FGF9: variants seen among roughly 807,000 people sequenced by gnomAD.
The protein encoded by FGF9 is fibroblast growth factor 9 (glia-activating factor).
Under a neutral mutation model 19.9 loss-of-function variants are expected in FGF9, and 3 were observed. The ratio of observed to expected loss-of-function variants is 0.15; its 90% CI spans 0.07 to 0.39. FGF9 has a LOEUF of 0.39. Among genes scored for constraint, FGF9 ranks in the 10% least tolerant of loss-of-function variants. The pLI is 1.00. For synonymous variants in FGF9, 107 were observed against 106.9 expected (o/e 1.00, Z -0.01); for missense variants, 175 against 256.8 (o/e 0.68, Z 2.18).
At chr13:21,679,853 A>T (rs552246379) in intron 1 of FGF9, among the ~76,000 whole-genome samples, 1 of 149,526 alleles carries the variant, frequency 6.7e-6, no homozygotes, top group African/African-American at 2.5e-5. Context: ...GCTACTCAGG[A>T]GGCTGAGGCA....
intron 1 of FGF9, chr13:21,673,854 C>A (rs1341277148): frequency 6.6e-6 from 1 of 150,752 alleles, no homozygotes; most frequent in East Asian, 1.9e-4. Context: ...GGTGCCCGCT[C>A]GGCCGCCCGG....
intron 2 of FGF9, among the ~76,000 whole-genome samples, chr13:21,682,274 A>C (rs546448219): frequency 3.9e-5 from 6 of 152,218 alleles, no homozygotes; most frequent in Non-Finnish European, 5.9e-5. Context: ...TGGTCTCCCA[A>C]AGTAACTTAT....
At chr13:21,689,642 T>C (rs1311501872) in intron 2 of FGF9, among the ~76,000 whole-genome samples, 3 of 152,202 alleles carry the variant, frequency 2.0e-5, no homozygotes, top group African/African-American at 7.2e-5. Flanking sequence ...AAGTGTCTTA[T>C]GATTGAAAGA....
At chr13:21,697,222 A>G (rs1872429112) in intron 2 of FGF9, among the ~76,000 whole-genome samples, 1 of 152,212 alleles carries the variant, frequency 6.6e-6, no homozygotes, top group Non-Finnish European at 1.5e-5. Flanking sequence ...CAGTGTCACA[A>G]TCACGGCTCA....
At chr13:21,695,069 C>CAT (rs1872372685) in intron 2 of FGF9, among the ~76,000 whole-genome samples, 1 of 143,388 alleles carries the variant, frequency 7.0e-6, no homozygotes, top group African/African-American at 2.5e-5. Context: ...AAGATGTGTG[C>CAT]GTGTGTGTGT....
chr13:21,679,839 C>T (rs904263661), intron 1 of FGF9, among the ~76,000 whole-genome samples: 21 of 151,074 alleles, frequency 1.4e-4, no homozygotes, highest in African/African-American at 4.9e-4. Flanking sequence ...AGCCTGAAGT[C>T]CCAGCTACTC....
rs549945701 is a variant in FGF9, at chr13:21,704,417, T to C, written c.*2982T>C. ...CATTAACACTACAACCTTGTGTTAT[T>C]TACTTGATAATCTGTAATTGTATGT... On this transcript the variant is annotated 3_prime_UTR_variant, in exon 3 of 3. Transcript: ENST00000382353. 1.1e-4 allele frequency: 16 copies of C among 152,212 alleles called. No homozygotes were observed. Among genetic ancestry groups the C allele is most frequent in the Non-Finnish European group, 2.1e-4 (14 of 68,034 alleles). The allele number at this position is 152,212 out of a possible 1,614,324, so 9.4% of individuals were successfully genotyped here. A position where few individuals can be genotyped will look rare whatever the true frequency, so the allele number is the denominator to read the frequency against.
At chr13:21,697,575 C>T (rs1872437559) in intron 2 of FGF9, among the ~76,000 whole-genome samples, 1 of 152,094 alleles carries the variant, frequency 6.6e-6, no homozygotes, top group Admixed American at 6.6e-5. Flanking sequence ...AGTTCAATTT[C>T]TTAGCATATT....
intron 1 of FGF9, among the ~76,000 whole-genome samples, chr13:21,678,574 C>A (rs1871968553): frequency 6.6e-6 from 1 of 152,048 alleles, no homozygotes; most frequent in Non-Finnish European, 1.5e-5. Flanking sequence ...TGATGTTCTG[C>A]AGACCAGCCA....
rs1044801321 is a variant in FGF9 at position 21,702,261 on chromosome 13, A to G, written c.*826A>G. ...TGACCCTAATGTACTAAAGGCGACA[A>G]TCTCTTTTGTGCCCATATTATTGTA... On this transcript the variant is annotated 3_prime_UTR_variant, in exon 3 of 3. Coordinates refer to ENST00000382353, the MANE Select transcript of FGF9 (RefSeq NM_002010.3). 4 of 152,220 alleles carry G rather than the reference A, an allele frequency of 2.6e-5. No individual in the cohort carries two copies. The highest frequency in any genetic ancestry group is 9.6e-5 in the African/African-American group (4 of 41,456). 9.4% of individuals were successfully genotyped at this position (152,220 alleles called of 1,614,324 possible). A position where few individuals can be genotyped will look rare whatever the true frequency, so the allele number is the denominator to read the frequency against.
intron 2 of FGF9, among the ~76,000 whole-genome samples, chr13:21,687,544 A>G (rs1245733531): frequency 2.0e-5 from 3 of 152,192 alleles, no homozygotes; most frequent in African/African-American, 7.2e-5. Context: ...CCTGACTGAG[A>G]CGAAGATGCT....
chr13:21,701,673 GGA>G lies in FGF9; in HGVS notation c.*251_*252del, dbSNP rs376200901. On this transcript the variant is annotated 3_prime_UTR_variant, in exon 3 of 3. Transcript: ENST00000382353. ...TTGCTTGATTTATCATGAGAGAAGA[GGA>G]GAGAGAGAGAGACTGAGCGCTAGGA... 1.1e-3 allele frequency: 557 copies of G among 505,540 alleles called. No individual in the cohort carries two copies. Among genetic ancestry groups the G allele is most frequent in the Middle Eastern group, 1.7e-3 (3 of 1,810 alleles). 31.3% of individuals were successfully genotyped at this position (505,540 alleles called of 1,614,324 possible). A position where few individuals can be genotyped will look rare whatever the true frequency, so the allele number is the denominator to read the frequency against.
chr13:21,687,702 T>TGA (rs1351495072), intron 2 of FGF9, among the ~76,000 whole-genome samples: 7 of 152,208 alleles, frequency 4.6e-5, no homozygotes, highest in African/African-American at 1.7e-4. Flanking sequence ...TCATCTGATC[T>TGA]TCACTTATCT....
At chr13:21,679,273 T>C (rs1392375375) in intron 1 of FGF9, among the ~76,000 whole-genome samples, 2 of 152,240 alleles carry the variant, frequency 1.3e-5, no homozygotes, top group African/African-American at 2.4e-5. Flanking sequence ...GAATTAGGAA[T>C]GCCCCTTTAG....
At chr13:21,682,307 A>G (rs1477040521) in intron 2 of FGF9, among the ~76,000 whole-genome samples, 2 of 152,150 alleles carry the variant, frequency 1.3e-5, no homozygotes, top group Non-Finnish European at 2.9e-5. Flanking sequence ...TGGTGGTCAA[A>G]TGAGAATTTA....
rs1454003805 is a variant in FGF9, at chr13:21,679,976, A to AG, written c.278-1066_278-1065insG. On this transcript the variant is annotated intron_variant, in intron 1 of 2. Transcript: ENST00000382353. The stretch of plus-strand genomic sequence containing the variant: ...CATCTCAAAAAAAAAAAAAAAAAAA[A>AG]AATTAGCAGTGTCCTAAATATACTG... 3.1e-4 allele frequency among the ~76,000 whole-genome samples: 47 copies of AG among 151,174 alleles called. 2 individuals are homozygous for AG. Among genetic ancestry groups the AG allele is most frequent in the African/African-American group, 1.1e-3 (46 of 41,088 alleles).
At chr13:21,685,290 T>C (rs754155640) in intron 2 of FGF9, among the ~76,000 whole-genome samples, 1 of 152,188 alleles carries the variant, frequency 6.6e-6, no homozygotes, top group Non-Finnish European at 1.5e-5. Context: ...AATGTGTAAA[T>C]GTGAAATTCA....
At chr13:21,683,051 A>G (rs1872079980) in intron 2 of FGF9, among the ~76,000 whole-genome samples, 2 of 152,196 alleles carry the variant, frequency 1.3e-5, no homozygotes, top group Admixed American at 1.3e-4. Flanking sequence ...GAGGAAACCT[A>G]AATAGGGCCC....
intron 2 of FGF9, among the ~76,000 whole-genome samples, chr13:21,692,564 A>G (rs1364421890): frequency 6.6e-6 from 1 of 152,196 alleles, no homozygotes; most frequent in Non-Finnish European, 1.5e-5. Context: ...AGCTGAGGCT[A>G]TAGAACGGGC....
Sources: allele counts gnomAD v4.1 joint callset (sites outside exome capture counted in the v4.1 genomes callset), GRCh38; gene constraint gnomAD v4.1.1; transcripts MANE v1.5; gene names NCBI Gene and HGNC (gene_info 2026-07-23, HGNC 2026-07-21).